Variants in SOAT1 observed in about 807,000 individuals in gnomAD.
SOAT1 encodes the protein acyl-coenzyme A:cholesterol acyltransferase 1.
In SOAT1, 55 loss-of-function variants were observed where a neutral mutation model predicts 69.5. That is an observed-to-expected ratio of 0.79 (90% confidence interval 0.64 to 0.99). The LOEUF is 0.99. Ranked by LOEUF, SOAT1 falls within the 50% of genes least tolerant of loss-of-function variation. The pLI is 0.00. For synonymous variants in SOAT1, 231 were observed against 224.7 expected, an observed-to-expected ratio of 1.03 and a Z score of -0.25; for missense variants, 580 against 669.3, an observed-to-expected ratio of 0.87 and a Z score of 1.47.
chr1:179,349,545 T>G (rs1666653278), intron 13 of SOAT1, among the ~76,000 whole-genome samples: 1 of 152,136 alleles, frequency 6.6e-6, no homozygotes, highest in Non-Finnish European at 1.5e-5. Flanking sequence ...CAGGCTCATC[T>G]TGAACTCCCG....
At chr1:179,337,014 C>A (rs1666183995) in intron 4 of SOAT1, among the ~76,000 whole-genome samples, 3 of 151,378 alleles carry the variant, frequency 2.0e-5, no homozygotes, top group Admixed American at 1.3e-4. Flanking sequence ...AAAATCATAT[C>A]ATTACGTGCC....
chr1:179,298,507 T>C (rs1664728887), intron 1 of SOAT1, among the ~76,000 whole-genome samples: 1 of 151,800 alleles, frequency 6.6e-6, no homozygotes. Flanking sequence ...CACTCTGTTG[T>C]CTGGGCTGGA....
At chr1:179,347,748 A>G (rs746893099) in intron 12 of SOAT1, 51 bp downstream of exon 12, 2 of 1,031,820 alleles carry the variant, frequency 1.9e-6, no homozygotes, top group Non-Finnish European at 2.9e-6. Context: ...TAACTTCTTC[A>G]TTATTAGTAT....
intron 2 of SOAT1, among the ~76,000 whole-genome samples, chr1:179,318,443 T>C (rs1335677123): frequency 6.6e-6 from 1 of 152,130 alleles, no homozygotes; most frequent in African/African-American, 2.4e-5. Flanking sequence ...CGAAAAAGAT[T>C]CTCAGTCAGA....
Position 179,353,620 on chromosome 1 carries a change from G to A in SOAT1, c.1632G>A (p.Trp544Ter), listed in dbSNP as rs1445033436. The A allele has an allele frequency of 1.2e-6, 2 of 1,613,696 alleles. No homozygotes were observed. Among genetic ancestry groups the A allele is most frequent in the Non-Finnish European group, 1.7e-6 (2 of 1,179,806 alleles). Residue 544 changes from tryptophan (W) to a stop codon, truncating the protein, a stop_gained, in exon 16 of 16, where the codon TGG (tryptophan) becomes TGA (stop). Coordinates refer to ENST00000367619, the MANE Select transcript of SOAT1 (RefSeq NM_003101.6). LOFTEE classifies it high-confidence loss of function. Reference sequence around the variant, plus strand: ...TGGATTATGTCCGGCCACGTTCCTGGACTTGTCGTTACGTGTTTTAGAAGC... The same window carrying A: ...TGGATTATGTCCGGCCACGTTCCTGAACTTGTCGTTACGTGTTTTAGAAGC... ...TFLDYVRPRS[W>*]TCRYVF
intron 3 of SOAT1, among the ~76,000 whole-genome samples, chr1:179,330,835 A>G (rs1047061504): frequency 2.6e-5 from 4 of 152,206 alleles, no homozygotes; most frequent in African/African-American, 9.6e-5. Flanking sequence ...GAGTGGGGGT[A>G]AGGAACAGGT....
intron 2 of SOAT1, among the ~76,000 whole-genome samples, chr1:179,311,357 CT>C (rs1571412887): frequency 1.3e-5 from 2 of 152,000 alleles, no homozygotes; most frequent in Admixed American, 6.6e-5. Context: ...CAGAGCAAGA[CT>C]ATATGTTAAA....
intron 8 of SOAT1, 25 bp from the exon 9 acceptor site, chr1:179,342,837 T>C (rs1666386936): frequency 1.3e-6 from 2 of 1,569,124 alleles, no homozygotes; most frequent in Admixed American, 1.7e-5. Flanking sequence ...GAGCCTTTGC[T>C]CTAACTATAG....
intron 1 of SOAT1, among the ~76,000 whole-genome samples, chr1:179,297,819 G>A (rs937842911): frequency 7.9e-5 from 12 of 151,214 alleles, no homozygotes; most frequent in Non-Finnish European, 1.6e-4. Flanking sequence ...ATCACCTGAG[G>A]TTGGGAGTTC....
chr1:179,307,472 G>A (rs1234308454), intron 2 of SOAT1, among the ~76,000 whole-genome samples: 1 of 152,070 alleles, frequency 6.6e-6, no homozygotes, highest in East Asian at 1.9e-4. Context: ...TCTTCTATGT[G>A]GTGGCTTGCA....
rs1054614982 is a variant in SOAT1 at position 179,323,623 on chromosome 1, A to G, written c.177+128A>G. The G allele has an allele frequency of 5.3e-6, 4 of 755,560 alleles. No homozygotes were observed. In the Admixed American group the frequency reaches 7.9e-5, roughly 15 times the overall value. The allele number at this position is 755,560 out of a possible 1,614,324, so 46.8% of individuals were successfully genotyped here. On this transcript the variant is annotated intron_variant, in intron 3 of 15. Coordinates refer to ENST00000367619, the MANE Select transcript of SOAT1 (RefSeq NM_003101.6). ...TTCATCAGTTGCTGTTATCCTGTGG[A>G]ACAAGAAAATAAGATCTGCTGACTT...
rs1020385005 is a variant in SOAT1 at position 179,354,646 on chromosome 1, A to G, written c.*1005A>G. ...TCCACTCATATTAAAGTGATCATTA[A>G]GAATCCAGAAGCTGGCTTCTGCATT... On this transcript the variant is annotated 3_prime_UTR_variant, in exon 16 of 16. Transcript: ENST00000367619. 1.3e-5 allele frequency: 2 copies of G among 152,178 alleles called. No individual in the cohort carries two copies. The highest frequency in any genetic ancestry group is 2.9e-5 in the Non-Finnish European group (2 of 68,024). The allele number at this position is 152,178 out of a possible 1,614,324, so 9.4% of individuals were successfully genotyped here.
intron 3 of SOAT1, among the ~76,000 whole-genome samples, chr1:179,335,164 C>T (rs954083593): frequency 3.3e-5 from 5 of 151,930 alleles, no homozygotes; most frequent in Non-Finnish European, 5.9e-5. Context: ...TAGAGTTCAG[C>T]TTGGGCAACA....
chr1:179,343,758 T>C, intron 10 of SOAT1, 123 bp downstream of exon 10: 1 of 683,108 alleles, frequency 1.5e-6, no homozygotes, highest in South Asian at 1.9e-5. Context: ...CATTATGCAG[T>C]CTTTTAAACT....
rs1666725306 is a variant in SOAT1 at position 179,351,381 on chromosome 1, T to C, written c.1515T>C (p.Thr505=). Residue 505 remains threonine (T), a synonymous_variant, in exon 15 of 16, where the codon ACT becomes ACC. Transcript: ENST00000367619. ...CGATTTGGAATGTTCTGATGTGGAC[T>C]TCTCTTTTCTTGGGCAATGGAGTCT... is the stretch of plus-strand genomic sequence containing the variant. The part of the protein sequence containing the change: ...KKPIWNVLMW[T]SLFLGNGVLL... 2 of 1,614,000 alleles carry C rather than the reference T, an allele frequency of 1.2e-6. No homozygotes were observed. The highest frequency in any genetic ancestry group is 1.7e-6 in the Non-Finnish European group (2 of 1,179,948).
In SOAT1 at chr1:179,302,789, G is replaced by A. The variant is rs150412161; in HGVS notation, c.105G>A (p.Glu35=). The A allele has an allele frequency of 2.6e-4, 405 of 1,578,200 alleles. No individual in the cohort carries two copies. The highest frequency in any genetic ancestry group is 2.0e-3 in the Middle Eastern group (12 of 5,878). ...GAAACCCTGCAAAGGAGTCCCTAGA[G>A]ACACCTAGTAATGGTGAGGCTTAAT... ...DQRNPAKESL[E]TPSNGRIDIK... is the part of the protein sequence containing the mutation. The change falls in exon 2 of 16, where the codon GAG becomes GAA. Residue 35 remains glutamate, a synonymous_variant. Transcript: ENST00000367619.
At chr1:179,346,724 G>C (rs1405814771) in intron 11 of SOAT1, among the ~76,000 whole-genome samples, 1 of 152,076 alleles carries the variant, frequency 6.6e-6, no homozygotes, top group Non-Finnish European at 1.5e-5. Flanking sequence ...AAACTGTTCA[G>C]CAGCATCCTG....
chr1:179,329,977 C>T (rs1665919399), intron 3 of SOAT1, among the ~76,000 whole-genome samples: 1 of 152,102 alleles, frequency 6.6e-6, no homozygotes, highest in African/African-American at 2.4e-5. Context: ...TGGTTTGGTT[C>T]CTTCCAGTTC....
chr1:179,335,556 T>C lies in SOAT1; in HGVS notation c.228T>C (p.Phe76=), dbSNP rs769815282. ...AAGTTGGCAGTCACTTTGATGATTTTGTGACCAATCTCATTGAAAAGTCAG... is the reference window on the plus strand; with the variant it reads ...AAGTTGGCAGTCACTTTGATGATTTCGTGACCAATCTCATTGAAAAGTCAG... ...MKEVGSHFDD[F]VTNLIEKSAS... is the part of the protein sequence containing the mutation. Residue 76 remains phenylalanine, a synonymous_variant, in exon 4 of 16, where the codon TTT becomes TTC. Transcript: ENST00000367619. The C allele has an allele frequency of 6.8e-6, 11 of 1,613,434 alleles. No individual in the cohort carries two copies. Among genetic ancestry groups the C allele is most frequent in the Non-Finnish European group, 9.3e-6 (11 of 1,179,630 alleles).
Sources: allele counts gnomAD v4.1 joint callset (sites outside exome capture counted in the v4.1 genomes callset), GRCh38; gene constraint gnomAD v4.1.1; transcripts MANE v1.5; gene names NCBI Gene and HGNC (gene_info 2026-07-23, HGNC 2026-07-21).